The following BICC1 variants were observed in gnomAD, a reference collection of about 807,000 sequenced individuals.
The protein encoded by BICC1 is BicC family RNA binding protein 1, also known as protein bicaudal C homolog 1.
BICC1 carries 43 observed loss-of-function variants against 111.0 expected under a neutral mutation model. The ratio of observed to expected loss-of-function variants is 0.39; its 90% CI spans 0.30 to 0.50. The LOEUF (loss-of-function observed/expected upper bound fraction) is 0.50. Among genes scored for constraint, BICC1 ranks in the 20% least tolerant of loss-of-function variants. BICC1 has a pLI of 0.88. For synonymous variants in BICC1, 467 were observed against 434.4 expected (o/e 1.07, Z -0.93); for missense variants, 1,091 against 1,203.2 (o/e 0.91, Z 1.38).
chr10:58,821,916 C>G (rs1206818042), intron 20 of BICC1, among the ~76,000 whole-genome samples: 1 of 152,102 alleles, frequency 6.6e-6, no homozygotes, highest in Admixed American at 6.6e-5. Flanking sequence ...TTTCTAAGAT[C>G]TGTCCTTTCA....
At chr10:58,587,501 T>C (rs1322271612) in intron 1 of BICC1, among the ~76,000 whole-genome samples, 1 of 152,210 alleles carries the variant, frequency 6.6e-6, no homozygotes. Context: ...ATAATAAAGC[T>C]CAAAATTGAT....
chr10:58,681,839 T>A (rs1478174122), intron 2 of BICC1, among the ~76,000 whole-genome samples: 1 of 151,962 alleles, frequency 6.6e-6, no homozygotes, highest in African/African-American at 2.4e-5. Flanking sequence ...CTGCAGACCT[T>A]CACAGTGAGT....
intron 3 of BICC1, among the ~76,000 whole-genome samples, chr10:58,756,083 A>G (rs1200623280): frequency 6.6e-6 from 1 of 151,892 alleles, no homozygotes; most frequent in Non-Finnish European, 1.5e-5. Flanking sequence ...TGCTTGTTCC[A>G]TTTTCACTTG....
At chr10:58,678,200 T>C (rs1240924905) in intron 2 of BICC1, among the ~76,000 whole-genome samples, 1 of 152,152 alleles carries the variant, frequency 6.6e-6, no homozygotes, top group East Asian at 1.9e-4. Context: ...ATAACAATAT[T>C]AACCTTAAAT....
At chr10:58,604,254 T>C (rs1448337300) in intron 1 of BICC1, among the ~76,000 whole-genome samples, 2 of 152,222 alleles carry the variant, frequency 1.3e-5, no homozygotes, top group African/African-American at 4.8e-5. Flanking sequence ...TACTGCTGTA[T>C]TGAGGGCCAC....
chr10:58,827,586 C>T (rs933962676), intron 20 of BICC1, among the ~76,000 whole-genome samples: 14 of 151,968 alleles, frequency 9.2e-5, no homozygotes, highest in African/African-American at 2.9e-4. Flanking sequence ...CAGTGCCAGA[C>T]GATGAGGAAG....
chr10:58,804,288 G>A (rs1437077578), intron 15 of BICC1, among the ~76,000 whole-genome samples: 2 of 152,166 alleles, frequency 1.3e-5, no homozygotes, highest in Non-Finnish European at 2.9e-5. Context: ...GGCCGAGGCA[G>A]GTGGATTGCT....
At chr10:58,748,338 A>G (rs1841892827) in intron 3 of BICC1, among the ~76,000 whole-genome samples, 1 of 152,084 alleles carries the variant, frequency 6.6e-6, no homozygotes, top group Non-Finnish European at 1.5e-5. Context: ...ATAATGCTAT[A>G]CTATACATTC....
chr10:58,543,913 T>TATA (rs1843065712), intron 1 of BICC1, among the ~76,000 whole-genome samples: 1 of 151,714 alleles, frequency 6.6e-6, no homozygotes, highest in South Asian at 2.1e-4. Flanking sequence ...GGTAAACCTT[T>TATA]ATAAACAGGC....
chr10:58,705,659 C>T (rs527298817), intron 3 of BICC1, among the ~76,000 whole-genome samples: 1 of 152,260 alleles, frequency 6.6e-6, no homozygotes, highest in African/African-American at 2.4e-5. Context: ...TAGGGAAGTG[C>T]ATGTTTTGTG....
intron 2 of BICC1, among the ~76,000 whole-genome samples, chr10:58,637,926 G>A (rs1185207495): frequency 6.6e-6 from 1 of 152,070 alleles, no homozygotes; most frequent in African/African-American, 2.4e-5. Flanking sequence ...AGGTACAGAA[G>A]GCCTGGGAAT....
At chr10:58,765,218 AT>A (rs1272767131) in intron 3 of BICC1, among the ~76,000 whole-genome samples, 1 of 151,068 alleles carries the variant, frequency 6.6e-6, no homozygotes, top group African/African-American at 2.4e-5. Context: ...AGCCTGGCTA[AT>A]TTTTTTTTCT....
chr10:58,727,254 A>G (rs921444750), intron 3 of BICC1, among the ~76,000 whole-genome samples: 3 of 152,124 alleles, frequency 2.0e-5, no homozygotes, highest in Non-Finnish European at 2.9e-5. Flanking sequence ...AACTTAGTGC[A>G]TATGTATCCA....
At chr10:58,573,622 C>T (rs1218432973) in intron 1 of BICC1, among the ~76,000 whole-genome samples, 1 of 152,102 alleles carries the variant, frequency 6.6e-6, no homozygotes, top group Non-Finnish European at 1.5e-5. Flanking sequence ...AAGCAAATCT[C>T]GCAATGAATT....
At chr10:58,542,523 A>T (rs1313454371) in intron 1 of BICC1, among the ~76,000 whole-genome samples, 2 of 152,168 alleles carry the variant, frequency 1.3e-5, no homozygotes, top group African/African-American at 4.8e-5. Flanking sequence ...CAAATAGGAC[A>T]TCAGACCTAA....
Position 58,628,945 on chromosome 10 carries a change from C to G in BICC1, c.237+8044C>G, listed in dbSNP as rs140290572. Among the ~76,000 whole-genome samples, 472 of 152,304 alleles carry G rather than the reference C, an allele frequency of 3.1e-3. 4 individuals are homozygous for G. The highest frequency in any genetic ancestry group is 0.011 in the African/African-American group (445 of 41,568). The stretch of plus-strand genomic sequence containing the variant: ...TATGTTGTGCCTGTCACTCTAAGCT[C>G]TTGACCTGACATGTAGCTTGGAGAC... On this transcript the variant is annotated intron_variant, in intron 2 of 20. Coordinates refer to ENST00000373886, the MANE Select transcript of BICC1 (RefSeq NM_001080512.3).
intron 12 of BICC1, 82 bp downstream of exon 12, chr10:58,799,334 A>T (rs1242856894): frequency 8.8e-6 from 10 of 1,132,600 alleles, no homozygotes; most frequent in Non-Finnish European, 1.2e-5. Flanking sequence ...AACATGCTAG[A>T]ATGTGTGTGT....
chr10:58,828,379 A>G (rs1844459937), intron 20 of BICC1, among the ~76,000 whole-genome samples: 1 of 152,198 alleles, frequency 6.6e-6, no homozygotes, highest in Admixed American at 6.5e-5. Flanking sequence ...TCACGAGCTT[A>G]GCTTGTTCTC....
chr10:58,542,722 C>T (rs1206951306), intron 1 of BICC1, among the ~76,000 whole-genome samples: 1 of 151,932 alleles, frequency 6.6e-6, no homozygotes, highest in Admixed American at 6.6e-5. Flanking sequence ...AGAAGATATA[C>T]AGTTAGCCAA....
Sources: gnomAD v4.1 joint callset for allele counts (sites outside exome capture counted in the v4.1 genomes callset) on GRCh38, gnomAD v4.1.1 for gene constraint, MANE v1.5 for transcripts, NCBI Gene and HGNC (gene_info 2026-07-23, HGNC 2026-07-21) for gene names.